The following MLLT10 variants were observed in gnomAD, a reference collection of about 807,000 sequenced individuals.
MLLT10 encodes the protein protein AF-10.
In MLLT10, 30 loss-of-function variants were observed where a neutral mutation model predicts 129.1. The ratio of observed to expected loss-of-function variants is 0.23; its 90% CI spans 0.17 to 0.32. The LOEUF is 0.32. Among genes scored for constraint, MLLT10 ranks in the 10% least tolerant of loss-of-function variants. The pLI is 1.00. For synonymous variants in MLLT10, 490 were observed against 446.4 expected (o/e 1.10, Z -1.23); for missense variants, 1,119 against 1,268.3 (o/e 0.88, Z 1.79).
chr10:21,700,132 A>G (rs539603331), intron 13 of MLLT10, among the ~76,000 whole-genome samples: 4 of 146,526 alleles, frequency 2.7e-5, no homozygotes, highest in African/African-American at 7.5e-5. Context: ...TTTAAACACT[A>G]TAGTAAACAG....
At chr10:21,621,511 C>G (rs1589274565) in intron 8 of MLLT10, among the ~76,000 whole-genome samples, 1 of 152,320 alleles carries the variant, frequency 6.6e-6, no homozygotes, top group East Asian at 1.9e-4. Flanking sequence ...TCCCAAAGTG[C>G]TGGGATTACA....
intron 14 of MLLT10, among the ~76,000 whole-genome samples, chr10:21,716,255 C>T (rs551922862): frequency 2.0e-5 from 3 of 152,218 alleles, no homozygotes; most frequent in African/African-American, 7.2e-5. Context: ...GTTTCACTCT[C>T]ATATAGACCC....
intron 8 of MLLT10, among the ~76,000 whole-genome samples, chr10:21,627,708 G>A (rs1321171324): frequency 1.3e-5 from 2 of 151,872 alleles, no homozygotes; most frequent in African/African-American, 4.8e-5. Context: ...TCTTTCTCTG[G>A]GAGCCATTCT....
chr10:21,607,720 T>A (rs1297569958), intron 5 of MLLT10, among the ~76,000 whole-genome samples: 1 of 152,210 alleles, frequency 6.6e-6, no homozygotes, highest in Non-Finnish European at 1.5e-5. Context: ...GTAGACATTG[T>A]TTAATTCAGC....
At chr10:21,588,601 T>C (rs572698756) in intron 4 of MLLT10, among the ~76,000 whole-genome samples, 1 of 152,192 alleles carries the variant, frequency 6.6e-6, no homozygotes, top group South Asian at 2.1e-4. Flanking sequence ...TCCCAAATTA[T>C]TTGCCCTGTA....
chr10:21,705,032 C>T (rs979795896), intron 13 of MLLT10, among the ~76,000 whole-genome samples: 6 of 151,984 alleles, frequency 3.9e-5, no homozygotes, highest in East Asian at 1.9e-4. Flanking sequence ...TCTTGTGCCT[C>T]GAGGTGGAGG....
chr10:21,583,863 A>G (rs184567559), intron 3 of MLLT10, among the ~76,000 whole-genome samples: 10 of 152,120 alleles, frequency 6.6e-5, no homozygotes, highest in Non-Finnish European at 1.0e-4. Flanking sequence ...AACTTTATCA[A>G]TAGGCTCAAT....
At chr10:21,648,725 C>G (rs1421136094) in intron 8 of MLLT10, among the ~76,000 whole-genome samples, 1 of 152,100 alleles carries the variant, frequency 6.6e-6, no homozygotes, top group Admixed American at 6.5e-5. Flanking sequence ...ATACACGAGA[C>G]TGGGTAATTT....
intron 4 of MLLT10, among the ~76,000 whole-genome samples, chr10:21,589,689 GTTTC>G (rs1019958437): frequency 2.0e-5 from 3 of 151,944 alleles, no homozygotes; most frequent in African/African-American, 4.8e-5. Flanking sequence ...TTCATTCTCT[GTTTC>G]TTTAAGAATT....
chr10:21,573,054 CCTTA>C (rs1166229191), intron 3 of MLLT10, among the ~76,000 whole-genome samples: 1 of 151,924 alleles, frequency 6.6e-6, no homozygotes, highest in African/African-American at 2.4e-5. Context: ...TTTCTTACAA[CCTTA>C]CTTAAGTCAT....
At chr10:21,625,991 G>A in intron 8 of MLLT10, 1 of 957,074 alleles carries the variant, frequency 1.0e-6, no homozygotes, top group Admixed American at 1.7e-5. Flanking sequence ...ACTGTTTGGT[G>A]GAGGCCCACC....
At chr10:21,572,976 A>G (rs1229415365) in intron 3 of MLLT10, among the ~76,000 whole-genome samples, 1 of 152,078 alleles carries the variant, frequency 6.6e-6, no homozygotes, top group Non-Finnish European at 1.5e-5. Context: ...TACATTTTTT[A>G]GCAATTATAA....
chr10:21,665,941 A>C (rs1383648896), intron 9 of MLLT10, among the ~76,000 whole-genome samples: 2 of 151,906 alleles, frequency 1.3e-5, no homozygotes, highest in Admixed American at 6.6e-5. Flanking sequence ...TCCTGACCTT[A>C]GTCGATCTGC....
In MLLT10 at chr10:21,562,814, TTTTG is replaced by T. The variant is rs1217632892; in HGVS notation, c.241-23476_241-23473del. On this transcript the variant is annotated intron_variant, in intron 3 of 22. Transcript: ENST00000307729. ...TGCTGACTTACATATACTTTGTTTT[TTTTG>T]TTTTTTTTTTTTTTTTTTTTGAGAC... Among the ~76,000 whole-genome samples, 25 of 124,402 alleles carry T rather than the reference TTTTG, an allele frequency of 2.0e-4. 1 individual carries two copies. Among genetic ancestry groups the T allele is most frequent in the Admixed American group, 3.9e-4 (5 of 12,896 alleles). The allele number at this position is 124,402 out of a possible 152,430, so 81.6% of individuals were successfully genotyped here. A position where few individuals can be genotyped will look rare whatever the true frequency, so the allele number is the denominator to read the frequency against.
intron 8 of MLLT10, among the ~76,000 whole-genome samples, chr10:21,622,235 G>A (rs545245152): frequency 2.9e-5 from 4 of 139,040 alleles, no homozygotes; most frequent in Non-Finnish European, 6.0e-5. Flanking sequence ...ATAGCTCACT[G>A]CAGCCTTGAT....
At chr10:21,725,737 A>AT (rs59600464) in intron 14 of MLLT10, among the ~76,000 whole-genome samples, 1 of 148,124 alleles carries the variant, frequency 6.8e-6, no homozygotes, top group Non-Finnish European at 1.5e-5. Context: ...AAAAAAAAAA[A>AT]TTGTAGTTAC....
intron 3 of MLLT10, among the ~76,000 whole-genome samples, chr10:21,583,497 A>G (rs563963503): frequency 2.0e-5 from 3 of 152,238 alleles, no homozygotes; most frequent in South Asian, 2.1e-4. Flanking sequence ...TTAAAGGAAT[A>G]CCTGAAACTG....
chr10:21,736,611 T>C (rs189823904), intron 21 of MLLT10, among the ~76,000 whole-genome samples: 71 of 152,296 alleles, frequency 4.7e-4, no homozygotes, highest in African/African-American at 1.7e-3. Flanking sequence ...CCAACAAGAC[T>C]TGTTTGCTGG....
chr10:21,734,969 A>G (rs1256267725), intron 20 of MLLT10, among the ~76,000 whole-genome samples, 170 bp from the exon 21 acceptor site: 1 of 152,208 alleles, frequency 6.6e-6, no homozygotes, highest in Non-Finnish European at 1.5e-5. Context: ...ATGGATGTAT[A>G]TAAACATACA....
Sources: gnomAD v4.1 joint callset for allele counts (sites outside exome capture counted in the v4.1 genomes callset) on GRCh38, gnomAD v4.1.1 for gene constraint, MANE v1.5 for transcripts, NCBI Gene and HGNC (gene_info 2026-07-23, HGNC 2026-07-21) for gene names.